SUCLG2: variants seen among roughly 807,000 people sequenced by gnomAD.
SUCLG2 encodes the protein succinate-CoA ligase GDP-forming subunit beta.
SUCLG2 carries 42 observed loss-of-function variants against 47.9 expected under a neutral mutation model. The ratio of observed to expected loss-of-function variants is 0.88; its 90% CI spans 0.69 to 1.14. The LOEUF (loss-of-function observed/expected upper bound fraction) is 1.14. Among genes scored for constraint, SUCLG2 ranks in the 50% most tolerant of loss-of-function variants. SUCLG2 has a pLI of 0.00. For missense variants in SUCLG2, 571 were observed against 525.9 expected, an observed-to-expected ratio of 1.09 and a Z score of -0.84; for synonymous variants, 195 against 197.3, an observed-to-expected ratio of 0.99 and a Z score of 0.10.
At chr3:67,577,982 G>T (rs1391766117) in intron 2 of SUCLG2, among the ~76,000 whole-genome samples, 1 of 152,062 alleles carries the variant, frequency 6.6e-6, no homozygotes, top group African/African-American at 2.4e-5. Flanking sequence ...ATCATCAGTT[G>T]CAGAGTGCTT....
At chr3:67,405,363 T>C (rs1702779586) in intron 9 of SUCLG2, among the ~76,000 whole-genome samples, 1 of 152,224 alleles carries the variant, frequency 6.6e-6, no homozygotes, top group Admixed American at 6.5e-5. Flanking sequence ...GCCCTTGCTA[T>C]TTATCAAGCT....
intron 9 of SUCLG2, among the ~76,000 whole-genome samples, chr3:67,454,778 A>C (rs754491675): frequency 3.3e-5 from 5 of 151,942 alleles, no homozygotes; most frequent in Non-Finnish European, 7.4e-5. Flanking sequence ...CTGGCTAACA[A>C]AGTGAAACCC....
At chr3:67,626,636 C>T (rs114540705) in intron 1 of SUCLG2, among the ~76,000 whole-genome samples, 11 of 151,956 alleles carry the variant, frequency 7.2e-5, no homozygotes, top group African/African-American at 1.9e-4. Flanking sequence ...AAGTACATGC[C>T]GGGTGCAGTT....
At chr3:67,408,900 T>A in intron 9 of SUCLG2, 2 of 1,499,970 alleles carry the variant, frequency 1.3e-6, no homozygotes, top group Non-Finnish European at 8.8e-7. Context: ...CCTCTGGCAG[T>A]CTCTCTATAA....
Position 67,566,275 on chromosome 3 carries a change from T to C in SUCLG2, c.227-37089A>G, listed in dbSNP as rs189603499. On this transcript the variant is annotated intron_variant, in intron 2 of 10. Transcript: ENST00000307227. ...AGTGGTAAAATCATCCTAAAAACTT[T>C]ACAGGAAGAAAATGGTTAAGTACGT... is the stretch of plus-strand genomic sequence containing the variant. Among the ~76,000 whole-genome samples, 20 of 152,304 alleles carry C rather than the reference T, an allele frequency of 1.3e-4. No homozygotes were observed. The South Asian group carries it at 3.7e-3, about 28-fold the overall frequency.
chr3:67,363,174 G>C lies in SUCLG2; in HGVS notation c.1184-2406C>G, dbSNP rs529700897. On this transcript the variant is annotated intron_variant, in intron 10 of 10. Transcript: ENST00000493112. ...AAAATAAAATAACCAAAAGAACCCTGAAATAGTATCCATTGGTATAAATCT... is the reference window on the plus strand; with the variant it reads ...AAAATAAAATAACCAAAAGAACCCTCAAATAGTATCCATTGGTATAAATCT... Among the ~76,000 whole-genome samples, 7 of 152,192 alleles carry C rather than the reference G, an allele frequency of 4.6e-5. No individual in the cohort carries two copies. In the East Asian group the frequency reaches 9.7e-4, roughly 21 times the overall value.
intron 2 of SUCLG2, among the ~76,000 whole-genome samples, chr3:67,531,929 A>T (rs1706416248): frequency 6.6e-6 from 1 of 152,200 alleles, no homozygotes; most frequent in African/African-American, 2.4e-5. Context: ...GTTTCTATTT[A>T]TTTAAAGATC....
chr3:67,608,541 C>T (rs1310608204), intron 2 of SUCLG2, among the ~76,000 whole-genome samples: 1 of 152,136 alleles, frequency 6.6e-6, no homozygotes, highest in Non-Finnish European at 1.5e-5. Context: ...TTGAACGATG[C>T]TCCACTGTTG....
chr3:67,602,669 TAC>T (rs1276172814), intron 2 of SUCLG2, among the ~76,000 whole-genome samples: 1 of 152,162 alleles, frequency 6.6e-6, no homozygotes, highest in African/African-American at 2.4e-5. Flanking sequence ...TCTTTATAAA[TAC>T]AGTTAGGGAA....
chr3:67,554,222 A>C lies in SUCLG2; in HGVS notation c.227-25036T>G, dbSNP rs537597646. Among the ~76,000 whole-genome samples, 61 of 152,318 alleles carry C rather than the reference A, an allele frequency of 4.0e-4. 1 individual carries two copies. In the Middle Eastern group the frequency reaches 0.014, roughly 34 times the overall value. On this transcript the variant is annotated intron_variant, in intron 2 of 10. Coordinates refer to ENST00000307227, the MANE Select transcript of SUCLG2 (RefSeq NM_003848.4). The stretch of plus-strand genomic sequence containing the variant: ...GGGTTCCCTCAGGATGTGCTACTAC[A>C]TGTTTTTACCAAATTCTGTCTGATT...
At chr3:67,570,635 G>T (rs1190900046) in intron 2 of SUCLG2, among the ~76,000 whole-genome samples, 1 of 152,168 alleles carries the variant, frequency 6.6e-6, no homozygotes, top group Non-Finnish European at 1.5e-5. Flanking sequence ...TGCCTATATA[G>T]TGAAGCTCTC....
intron 1 of SUCLG2, among the ~76,000 whole-genome samples, chr3:67,652,026 C>T (rs968166606): frequency 6.6e-6 from 1 of 152,146 alleles, no homozygotes; most frequent in African/African-American, 2.4e-5. Flanking sequence ...CCCCAAACCC[C>T]AGGGCCTACA....
At chr3:67,482,850 C>CT (rs1559542718) in intron 9 of SUCLG2, among the ~76,000 whole-genome samples, 3 of 152,154 alleles carry the variant, frequency 2.0e-5, no homozygotes, top group Non-Finnish European at 4.4e-5. Flanking sequence ...GGATTTTCTG[C>CT]TTGCTGTTTA....
At chr3:67,443,141 C>T (rs1256212914) in intron 9 of SUCLG2, among the ~76,000 whole-genome samples, 2 of 152,090 alleles carry the variant, frequency 1.3e-5, no homozygotes, top group Admixed American at 1.3e-4. Flanking sequence ...ATGACTTAAA[C>T]TATAAAGGAG....
chr3:67,557,285 G>C (rs58735333), intron 2 of SUCLG2, among the ~76,000 whole-genome samples: 7,266 of 152,170 alleles, frequency 0.048, 232 homozygotes, highest in African/African-American at 0.088. Context: ...ATGGCTCTTA[G>C]CATCAATTTG....
intron 2 of SUCLG2, among the ~76,000 whole-genome samples, chr3:67,582,077 T>C (rs887150267): frequency 6.6e-6 from 1 of 152,212 alleles, no homozygotes; most frequent in Non-Finnish European, 1.5e-5. Context: ...CAGAGAAATT[T>C]TGCCATGTGC....
At chr3:67,488,477 T>C (rs1281608382) in intron 9 of SUCLG2, among the ~76,000 whole-genome samples, 1 of 152,184 alleles carries the variant, frequency 6.6e-6, no homozygotes, top group Non-Finnish European at 1.5e-5. Flanking sequence ...AAGGAATCAG[T>C]CCAAAGGATT....
intron 9 of SUCLG2, among the ~76,000 whole-genome samples, chr3:67,486,244 G>A (rs1389340940): frequency 6.6e-6 from 1 of 152,030 alleles, no homozygotes; most frequent in East Asian, 1.9e-4. Flanking sequence ...CAGCCTGGGT[G>A]ACAGAATGAG....
intron 2 of SUCLG2, among the ~76,000 whole-genome samples, chr3:67,570,228 G>C (rs1707568964): frequency 1.3e-5 from 2 of 152,180 alleles, no homozygotes; most frequent in South Asian, 4.1e-4. Context: ...ATAAACTTCT[G>C]TTATTTAAAC....
Sources: allele counts gnomAD v4.1 joint callset (sites outside exome capture counted in the v4.1 genomes callset), GRCh38; gene constraint gnomAD v4.1.1; transcripts MANE v1.5; gene names NCBI Gene and HGNC (gene_info 2026-07-23, HGNC 2026-07-21).